The following DEAF1 variants were observed in gnomAD, a reference collection of about 807,000 sequenced individuals.
DEAF1 encodes the protein deformed epidermal autoregulatory factor 1 homolog.
A neutral mutation model predicts 58.9 loss-of-function variants in DEAF1; 53 were observed. That is an observed-to-expected ratio of 0.90 (90% CI 0.72 to 1.13). The LOEUF (loss-of-function observed/expected upper bound fraction) is 1.13, where lower values mean the gene tolerates loss of function less well. Ranked by LOEUF, DEAF1 falls within the 50% of genes most tolerant of loss-of-function variation. DEAF1 has a pLI of 0.00. For missense variants in DEAF1, 685 were observed against 791.4 expected, an observed-to-expected ratio of 0.87 and a Z score of 1.61; for synonymous variants, 385 against 340.4, an observed-to-expected ratio of 1.13 and a Z score of -1.44.
chr11:674,640 C>A lies in DEAF1; in HGVS notation c.1399G>T (p.Ala467Ser). The A allele has an allele frequency of 6.2e-7, 1 of 1,614,156 alleles. No individual in the cohort carries two copies. The highest frequency in any genetic ancestry group is 8.5e-7 in the Non-Finnish European group (1 of 1,180,038). The change falls in exon 10 of 12, where the codon GCG (alanine) becomes TCG (serine). Residue 467 changes from alanine to serine, a missense_variant. Ala to Ser is a moderately conservative substitution (Grantham distance 99, BLOSUM62 1). Coordinates refer to ENST00000382409, the MANE Select transcript of DEAF1 (RefSeq NM_021008.4). ...TCAAACAGCGTCTTCAGCTGCTGCG[C>A]TGTGTTGAGCAAGGAGTTGACCATC... ...EEMVNSLLNTAQQLKTLFEQA... is the reference protein window; with the variant it reads ...EEMVNSLLNTSQQLKTLFEQA...
intron 10 of DEAF1, among the ~76,000 whole-genome samples, chr11:665,642 T>C (rs1341703491): frequency 6.6e-6 from 1 of 152,190 alleles, no homozygotes; most frequent in Non-Finnish European, 1.5e-5. Context: ...AGCCCAGCCT[T>C]TCAGGGCAGG....
At chr11:694,320 G>A (rs866602929) in intron 1 of DEAF1, 2 of 189,184 alleles carry the variant, frequency 1.1e-5, no homozygotes, top group Non-Finnish European at 1.1e-5. Flanking sequence ...GGGTAGGTGG[G>A]GCAGGCTGGT....
upstream of DEAF1, chr11:695,627 T>C (rs1861095660): frequency 1.6e-6 from 2 of 1,244,916 alleles, no homozygotes; most frequent in African/African-American, 1.5e-5. Flanking sequence ...GAACGTCGGT[T>C]CTCCACCTCT....
Position 675,620 on chromosome 11 carries a change from C to T in DEAF1, c.1256-837G>A, listed in dbSNP as rs370169446. Among the ~76,000 whole-genome samples, 44 of 152,206 alleles carry T rather than the reference C, an allele frequency of 2.9e-4. No individual in the cohort carries two copies. The East Asian group carries it at 3.5e-3, about 12-fold the overall frequency. On this transcript the variant is annotated intron_variant, in intron 9 of 11. Coordinates refer to ENST00000382409, the MANE Select transcript of DEAF1 (RefSeq NM_021008.4). The stretch of plus-strand genomic sequence containing the variant: ...GGCAGATCCCTTGAGGTCAGGAGTT[C>T]GAGGCTAGCCTGGTCAACATGGTGA...
At chr11:689,503 G>A (rs796287441) in intron 2 of DEAF1, among the ~76,000 whole-genome samples, 5 of 152,016 alleles carry the variant, frequency 3.3e-5, no homozygotes, top group East Asian at 1.9e-4. Context: ...GAGCCACCGC[G>A]CCCAGCTGAC....
chr11:684,123 CTTTT>C (rs34831036), intron 6 of DEAF1, among the ~76,000 whole-genome samples: 1 of 143,826 alleles, frequency 7.0e-6, no homozygotes, highest in South Asian at 2.2e-4. Flanking sequence ...TCTCCATGCT[CTTTT>C]TTTTTTTTTT....
chr11:648,250 T>C (rs540338041), intron 11 of DEAF1, among the ~76,000 whole-genome samples: 1 of 149,602 alleles, frequency 6.7e-6, no homozygotes, highest in African/African-American at 2.5e-5. Flanking sequence ...GCTGGAGTGC[T>C]GTGGCACGAT....
At chr11:681,678 A>G (rs1018431421) in intron 6 of DEAF1, among the ~76,000 whole-genome samples, 10 of 151,712 alleles carry the variant, frequency 6.6e-5, no homozygotes, top group South Asian at 4.1e-4. Flanking sequence ...CCAAAGTGCT[A>G]GGATTACAGG....
chr11:704,088 C>G, intron 1 of DEAF1: 1 of 1,112,104 alleles, frequency 9.0e-7, no homozygotes, highest in Non-Finnish European at 1.1e-6. Flanking sequence ...ATTTTCTCTT[C>G]ACCGCATTTT....
In DEAF1 at chr11:688,397, C is replaced by T; in HGVS notation, c.451G>A (p.Val151Ile). 1 of 1,613,918 alleles carries T rather than the reference C, an allele frequency of 6.2e-7. No homozygotes were observed. The highest frequency in any genetic ancestry group is 8.5e-7 in the Non-Finnish European group (1 of 1,180,036). ...LNTEKATLIV[V>I]HTDGSIVETT... ...TCCACGATGCTCCCATCTGTGTGGA[C>T]GACAATCAGTGTCGCTTTTTCGGTG... The change falls in exon 3 of 12, where the codon GTC (valine) becomes ATC (isoleucine). Residue 151 changes from valine (V) to isoleucine (I), a missense_variant. Transcript: ENST00000382409. The surrounding 1 kb of genome is among the most constrained non-coding windows in gnomAD (Gnocchi z 4.3).
In DEAF1 at chr11:644,536, C is replaced by G; in HGVS notation, c.*14G>C. The G allele has an allele frequency of 1.2e-6, 2 of 1,608,050 alleles. No homozygotes were observed. Among genetic ancestry groups the G allele is most frequent in the Non-Finnish European group, 1.7e-6 (2 of 1,177,560 alleles). The stretch of plus-strand genomic sequence containing the variant: ...GTGCGAGGGGCCCCAGCTCCCAGGG[C>G]GGCCGATGGAGCCTCACACGGTCAC... On this transcript the variant is annotated 3_prime_UTR_variant, in exon 12 of 12. Transcript: ENST00000382409. The surrounding 1 kb of genome is among the most constrained non-coding windows in gnomAD (Gnocchi z 4.3).
At position 674,773 on chromosome 11, in the gene DEAF1, G is replaced by C; in HGVS notation, c.1266C>G (p.Ser422=). 1 of 1,612,034 alleles carries C rather than the reference G, an allele frequency of 6.2e-7. No individual in the cohort carries two copies. The highest frequency in any genetic ancestry group is 1.1e-5 in the South Asian group (1 of 91,080). ...GGGGTGGGACCGCCAGCGCAGGCAGGGATGTCAACACTAGAGCATTTGGAA... is the reference window on the plus strand; with the variant it reads ...GGGGTGGGACCGCCAGCGCAGGCAGCGATGTCAACACTAGAGCATTTGGAA... The part of the protein sequence containing the change: ...PTSHPKIVLT[S]LPALAVPPPT... Residue 422 remains serine, a synonymous_variant, in exon 10 of 12, where the codon TCC becomes TCG. Coordinates refer to ENST00000382409, the MANE Select transcript of DEAF1 (RefSeq NM_021008.4).
intron 4 of DEAF1, 100 bp from the exon 5 acceptor site, chr11:687,097 C>G: frequency 6.4e-7 from 1 of 1,555,508 alleles, no homozygotes; most frequent in Non-Finnish European, 8.8e-7. Flanking sequence ...CCAGCACCAG[C>G]GCCCCAGCGG....
intron 11 of DEAF1, chr11:646,593 T>C (rs377711441): frequency 4.6e-5 from 7 of 152,370 alleles, no homozygotes; most frequent in African/African-American, 1.7e-4. Flanking sequence ...ACATCAGTGT[T>C]GACTCTGAGC....
intron 1 of DEAF1, 129 bp from the exon 2 acceptor site, chr11:691,727 A>C: frequency 1.3e-6 from 1 of 759,382 alleles, no homozygotes; most frequent in African/African-American, 1.7e-5. Flanking sequence ...GGAAGATCTT[A>C]ACACTTCCAT....
At chr11:701,820 C>A (rs1442619153) in intron 1 of DEAF1, among the ~76,000 whole-genome samples, 1 of 152,158 alleles carries the variant, frequency 6.6e-6, no homozygotes, top group East Asian at 1.9e-4. Flanking sequence ...TTTTTAACCA[C>A]ACAATTTGTT....
At chr11:670,516 A>T (rs1034346985) in intron 10 of DEAF1, among the ~76,000 whole-genome samples, 10 of 151,460 alleles carry the variant, frequency 6.6e-5, no homozygotes, top group South Asian at 2.1e-4. Flanking sequence ...GGAGTTTAAG[A>T]CCAGCCTCGC....
chr11:700,844 A>C, intron 1 of DEAF1: 1 of 819,792 alleles, frequency 1.2e-6, no homozygotes, highest in Admixed American at 1.9e-5. Context: ...GTTGCTTTGC[A>C]GGCTCACCTT....
Position 693,964 on chromosome 11 carries a change from G to GC in DEAF1, c.289+794dup, listed in dbSNP as rs140751382. Among the ~76,000 whole-genome samples the GC allele has an allele frequency of 7.2e-5, 11 of 152,092 alleles. No individual in the cohort carries two copies. In the East Asian group the frequency reaches 1.9e-3, roughly 27 times the overall value. On this transcript the variant is annotated intron_variant, in intron 1 of 11. Coordinates refer to ENST00000382409, the MANE Select transcript of DEAF1 (RefSeq NM_021008.4). ...GGGAGCCTGCACAGGTGGCTCCGCA[G>GC]CCCCCCTGGGCCACCACACAGCCAC...
Sources: allele counts gnomAD v4.1 joint callset (sites outside exome capture counted in the v4.1 genomes callset), GRCh38; gene constraint gnomAD v4.1.1; non-coding constraint Gnocchi (gnomAD v3.1); transcripts MANE v1.5; gene names NCBI Gene and HGNC (gene_info 2026-07-23, HGNC 2026-07-21).